Variants in CSMD1 observed in about 807,000 individuals in gnomAD.
The protein encoded by CSMD1 is CUB and sushi domain-containing protein 1.
CSMD1 carries 213 observed loss-of-function variants against 417.5 expected under a neutral mutation model. That is an observed-to-expected ratio of 0.51 (90% CI 0.46 to 0.57). The LOEUF (loss-of-function observed/expected upper bound fraction) is 0.57. Among genes scored for constraint, CSMD1 ranks in the 20% least tolerant of loss-of-function variants. The pLI is 0.00. For synonymous variants in CSMD1, 2,862 were observed against 1,736.8 expected (o/e 1.65, Z -16.11); for missense variants, 6,923 against 4,529.7 (o/e 1.53, Z -15.17).
intron 12 of CSMD1, among the ~76,000 whole-genome samples, chr8:3,467,997 G>C (rs374767920): frequency 1.3e-5 from 2 of 152,074 alleles, no homozygotes; most frequent in African/African-American, 2.4e-5. Flanking sequence ...ACATCTATCG[G>C]TTCAAATACT....
At chr8:3,102,434 T>G (rs17079347) in intron 46 of CSMD1, among the ~76,000 whole-genome samples, 7,747 of 152,258 alleles carry the variant, frequency 0.051, 649 homozygotes, top group African/African-American at 0.17. Flanking sequence ...GGAGTGGGGC[T>G]TGGGAAACTT....
At position 4,789,745 on chromosome 8, in the gene CSMD1, T is replaced by G. The variant is rs939643078; in HGVS notation, c.86-152187A>C. Among the ~76,000 whole-genome samples, 3 of 152,134 alleles carry G rather than the reference T, an allele frequency of 2.0e-5. No individual in the cohort carries two copies. In the South Asian group the frequency reaches 6.2e-4, roughly 31 times the overall value. On this transcript the variant is annotated intron_variant, in intron 1 of 69. Coordinates refer to ENST00000635120, the MANE Select transcript of CSMD1 (RefSeq NM_033225.6). ...TGATTGTATAGCAATGCTCCCAACA[T>G]AGTTCATGTAGTAAATTTTTTAAGT...
intron 1 of CSMD1, among the ~76,000 whole-genome samples, chr8:4,976,295 T>C (rs543696429): frequency 1.3e-5 from 2 of 152,222 alleles, no homozygotes; most frequent in Non-Finnish European, 2.9e-5. Context: ...TACAAATGTA[T>C]GGAGTAGCTA....
chr8:3,595,060 T>C (rs923010676), intron 8 of CSMD1, among the ~76,000 whole-genome samples: 2 of 152,192 alleles, frequency 1.3e-5, no homozygotes, highest in Admixed American at 1.3e-4. Context: ...GGAACATTCA[T>C]CTCTATTTTA....
chr8:3,504,363 T>C (rs1227391426), intron 10 of CSMD1, among the ~76,000 whole-genome samples: 1 of 152,216 alleles, frequency 6.6e-6, no homozygotes, highest in East Asian at 1.9e-4. Flanking sequence ...CTTTCTTCTG[T>C]CTTATCCGTA....
chr8:4,676,807 T>C (rs1017580773), intron 1 of CSMD1, among the ~76,000 whole-genome samples: 8 of 152,014 alleles, frequency 5.3e-5, no homozygotes, highest in Middle Eastern at 3.4e-3. Flanking sequence ...GCTCATTTTA[T>C]AAAATGGCTT....
chr8:3,562,938 C>T (rs367721221), intron 10 of CSMD1, among the ~76,000 whole-genome samples: 1 of 151,758 alleles, frequency 6.6e-6, no homozygotes, highest in African/African-American at 2.4e-5. Context: ...AAAAACCAAA[C>T]CATCCATTTA....
chr8:3,719,968 A>T (rs1481716), intron 6 of CSMD1, among the ~76,000 whole-genome samples: 1 of 152,046 alleles, frequency 6.6e-6, no homozygotes, highest in Admixed American at 6.5e-5. Flanking sequence ...TCACCACCTG[A>T]CCCTCAGAGC....
At chr8:3,754,469 T>C (rs1246462427) in intron 5 of CSMD1, among the ~76,000 whole-genome samples, 1 of 150,870 alleles carries the variant, frequency 6.6e-6, no homozygotes, top group East Asian at 2.0e-4. Context: ...TATTTATTTA[T>C]TTTGAGACGG....
intron 1 of CSMD1, among the ~76,000 whole-genome samples, chr8:4,777,381 T>C (rs771929805): frequency 2.0e-5 from 3 of 152,130 alleles, no homozygotes; most frequent in Non-Finnish European, 2.9e-5. Context: ...TTGGGGATGA[T>C]GAAGAGAGAG....
At position 4,708,522 on chromosome 8, in the gene CSMD1, T is replaced by TA. The variant is rs563748446; in HGVS notation, c.86-70965dup. The stretch of plus-strand genomic sequence containing the variant: ...ATAACTCAATCTGTAGTAATTCTCT[T>TA]AAAAATGAAGGTAAATTAAAGGAAG... On this transcript the variant is annotated intron_variant, in intron 1 of 69. Transcript: ENST00000635120. Among the ~76,000 whole-genome samples, 421 of 152,310 alleles carry TA rather than the reference T, an allele frequency of 2.8e-3. 2 individuals are homozygous for TA. Among genetic ancestry groups the TA allele is most frequent in the Middle Eastern group, 0.01 (3 of 294 alleles).
At chr8:3,579,574 A>C (rs1035799177) in intron 9 of CSMD1, among the ~76,000 whole-genome samples, 7 of 152,120 alleles carry the variant, frequency 4.6e-5, no homozygotes, top group Non-Finnish European at 1.0e-4. Context: ...TCAAGCACAA[A>C]TTTTACGTCC....
At chr8:4,670,243 A>T (rs774027415) in intron 1 of CSMD1, among the ~76,000 whole-genome samples, 1 of 152,154 alleles carries the variant, frequency 6.6e-6, no homozygotes, top group Non-Finnish European at 1.5e-5. Flanking sequence ...GATAATGTAG[A>T]AGAGGCATGG....
chr8:4,149,622 G>A (rs911319411), intron 3 of CSMD1, among the ~76,000 whole-genome samples: 50 of 152,300 alleles, frequency 3.3e-4, no homozygotes, highest in Admixed American at 1.2e-3. Context: ...CCTTCTGTCT[G>A]TAGAATCATC....
At chr8:4,964,929 G>C (rs1227881268) in intron 1 of CSMD1, among the ~76,000 whole-genome samples, 2 of 152,154 alleles carry the variant, frequency 1.3e-5, no homozygotes, top group Non-Finnish European at 1.5e-5. Flanking sequence ...TCAGCCCTTG[G>C]TGAATTAACC....
rs140173133 is a variant in CSMD1 at position 3,536,038 on chromosome 8, G to A, written c.1344+38907C>T. Among the ~76,000 whole-genome samples the A allele has an allele frequency of 5.0e-3, 763 of 152,256 alleles. 8 individuals carry two copies. The highest frequency in any genetic ancestry group is 0.017 in the African/African-American group (709 of 41,548). On this transcript the variant is annotated intron_variant, in intron 10 of 69. Coordinates refer to ENST00000635120, the MANE Select transcript of CSMD1 (RefSeq NM_033225.6). ...GTGACCTCCTCAAGCCAGCGACCAC[G>A]CTGTCATAGTCACAGGTCCTGGCCA...
intron 8 of CSMD1, among the ~76,000 whole-genome samples, chr8:3,589,692 T>C (rs1461995218): frequency 6.6e-6 from 1 of 152,172 alleles, no homozygotes; most frequent in East Asian, 1.9e-4. Context: ...CACAGCATGG[T>C]GACTGTAGTT....
intron 57 of CSMD1, among the ~76,000 whole-genome samples, 158 bp downstream of exon 57, chr8:2,972,959 T>C (rs1009662464): frequency 6.6e-6 from 1 of 152,232 alleles, no homozygotes; most frequent in Non-Finnish European, 1.5e-5. Context: ...CACCCAGTCA[T>C]GATTTCTGAT....
chr8:3,058,750 T>C (rs748016715), intron 49 of CSMD1, among the ~76,000 whole-genome samples: 1 of 151,982 alleles, frequency 6.6e-6, no homozygotes, highest in Non-Finnish European at 1.5e-5. Flanking sequence ...AGCAAGGATT[T>C]AGACTATCCT....
Sources: allele counts gnomAD v4.1 joint callset (sites outside exome capture counted in the v4.1 genomes callset), GRCh38; gene constraint gnomAD v4.1.1; transcripts MANE v1.5; gene names NCBI Gene and HGNC (gene_info 2026-07-23, HGNC 2026-07-21).